The following IPCEF1 variants were observed in gnomAD, a reference collection of about 807,000 sequenced individuals.
The protein encoded by IPCEF1 is interactor protein for cytohesin exchange factors 1.
A neutral mutation model predicts 50.9 loss-of-function variants in IPCEF1; 31 were observed. The observed-to-expected ratio is 0.61, with a 90% CI of 0.46 to 0.82. IPCEF1 has a LOEUF of 0.82. Ranked by LOEUF, IPCEF1 falls within the 40% of genes least tolerant of loss-of-function variation. The pLI, the probability that IPCEF1 is intolerant of heterozygous loss-of-function variation, is 0.00. For missense variants in IPCEF1, 458 were observed against 514.0 expected (o/e 0.89, Z 1.05); for synonymous variants, 181 against 192.0 (o/e 0.94, Z 0.47).
intron 1 of IPCEF1, among the ~76,000 whole-genome samples, chr6:154,331,474 G>A (rs1199219940): frequency 8.1e-6 from 1 of 123,310 alleles, no homozygotes; most frequent in Non-Finnish European, 1.6e-5. Flanking sequence ...AGAAAGAAAG[G>A]GGAAGGAAGA....
chr6:154,191,139 GA>G (rs1484286144), intron 10 of IPCEF1, among the ~76,000 whole-genome samples: 2 of 152,178 alleles, frequency 1.3e-5, no homozygotes, highest in Non-Finnish European at 2.9e-5. Context: ...AAGCCAATCT[GA>G]AAAGGGTACA....
intron 10 of IPCEF1, among the ~76,000 whole-genome samples, chr6:154,198,663 C>CACACA (rs1491491022): frequency 1.3e-5 from 2 of 150,350 alleles, no homozygotes; most frequent in Non-Finnish European, 1.5e-5. Context: ...CACACACACA[C>CACACA]AACTTGTTCT....
At chr6:154,257,499 T>A (rs1477860241) in intron 3 of IPCEF1, among the ~76,000 whole-genome samples, 1 of 152,208 alleles carries the variant, frequency 6.6e-6, no homozygotes, top group East Asian at 1.9e-4. Context: ...TTTTATGTTT[T>A]TCTTTGTCTA....
chr6:154,180,613 G>A (rs1023184365), intron 10 of IPCEF1, among the ~76,000 whole-genome samples: 12 of 151,962 alleles, frequency 7.9e-5, no homozygotes, highest in African/African-American at 2.9e-4. Context: ...GAATTTGGCT[G>A]TCGAGAACAC....
At chr6:154,227,861 T>G (rs1197590707) in intron 5 of IPCEF1, among the ~76,000 whole-genome samples, 2 of 152,246 alleles carry the variant, frequency 1.3e-5, no homozygotes, top group African/African-American at 2.4e-5. Flanking sequence ...TGAAAACACC[T>G]TAGTGTTTCC....
At chr6:154,253,061 CTTTT>C (rs1418178095) in intron 3 of IPCEF1, among the ~76,000 whole-genome samples, 1 of 152,046 alleles carries the variant, frequency 6.6e-6, no homozygotes, top group Non-Finnish European at 1.5e-5. Context: ...TGCCTTTTTT[CTTTT>C]TGAGATTATT....
intron 7 of IPCEF1, among the ~76,000 whole-genome samples, chr6:154,216,311 TGG>T (rs896621005): frequency 4.6e-5 from 7 of 151,728 alleles, no homozygotes; most frequent in Admixed American, 4.6e-4. Flanking sequence ...AAGATGGGGG[TGG>T]GGGGTGGTTG....
intron 10 of IPCEF1, among the ~76,000 whole-genome samples, chr6:154,171,124 A>G (rs917805372): frequency 1.3e-5 from 2 of 152,150 alleles, no homozygotes; most frequent in African/African-American, 4.8e-5. Flanking sequence ...ATAAATACCC[A>G]AGAGAATTGA....
intron 7 of IPCEF1, among the ~76,000 whole-genome samples, chr6:154,220,693 C>T (rs1778795398): frequency 6.6e-6 from 1 of 152,132 alleles, no homozygotes; most frequent in African/African-American, 2.4e-5. Context: ...TGACTCTAAA[C>T]CATTAGGAAT....
chr6:154,340,400 A>C (rs970648958), intron 1 of IPCEF1, among the ~76,000 whole-genome samples: 1 of 151,662 alleles, frequency 6.6e-6, no homozygotes, highest in African/African-American at 2.4e-5. Flanking sequence ...ACAGGCGTGC[A>C]CCACCAATGC....
chr6:154,285,211 A>G (rs764380713), intron 2 of IPCEF1, among the ~76,000 whole-genome samples: 1 of 152,208 alleles, frequency 6.6e-6, no homozygotes, highest in African/African-American at 2.4e-5. Context: ...AGGTAATTTT[A>G]TTAGGAAAGA....
chr6:154,213,716 C>G (rs1282979290), intron 8 of IPCEF1, among the ~76,000 whole-genome samples: 6 of 152,174 alleles, frequency 3.9e-5, no homozygotes, highest in South Asian at 2.1e-4. Context: ...GAATTAGACT[C>G]CTGTAGCTTT....
In IPCEF1 at chr6:154,263,970, T is replaced by G. The variant is rs1260513503; in HGVS notation, c.36+1942A>C. Among the ~76,000 whole-genome samples the G allele has an allele frequency of 2.4e-5, 3 of 127,546 alleles. No individual in the cohort carries two copies. In the South Asian group the frequency reaches 1.0e-3, roughly 43 times the overall value. The allele number at this position is 127,546 out of a possible 152,430, so 83.7% of individuals were successfully genotyped here. A position where few individuals can be genotyped will look rare whatever the true frequency, so the allele number is the denominator to read the frequency against. On this transcript the variant is annotated intron_variant, in intron 3 of 11. Transcript: ENST00000367220. Reference sequence around the variant, plus strand: ...GCGGCCGGGCAGAGGCGCCCCTCACTTCCCGGATGGGGCGGCTGGCCGGGC... The same window carrying G: ...GCGGCCGGGCAGAGGCGCCCCTCACGTCCCGGATGGGGCGGCTGGCCGGGC...
chr6:154,245,997 C>A (rs1411146736), intron 5 of IPCEF1, among the ~76,000 whole-genome samples: 1 of 152,174 alleles, frequency 6.6e-6, no homozygotes, highest in African/African-American at 2.4e-5. Context: ...GTTGTCTAAG[C>A]ACGACTAGTT....
At position 154,156,046 on chromosome 6, in the gene IPCEF1, A is replaced by G. The variant is rs1429461238; in HGVS notation, c.*3782T>C. The G allele has an allele frequency of 6.6e-6, 1 of 152,264 alleles. No homozygotes were observed. Among genetic ancestry groups the G allele is most frequent in the African/African-American group, 2.4e-5 (1 of 41,468 alleles). 9.4% of individuals were successfully genotyped at this position (152,264 alleles called of 1,614,324 possible). On this transcript the variant is annotated 3_prime_UTR_variant, in exon 12 of 12. Transcript: ENST00000367220. ...CTAACATTTGACAGCACATGCCTCA[A>G]AAAGCAAACAAAATAAACACTCTCC...
chr6:154,164,294 T>G (rs926474574), intron 11 of IPCEF1, among the ~76,000 whole-genome samples: 2 of 152,244 alleles, frequency 1.3e-5, no homozygotes, highest in African/African-American at 4.8e-5. Flanking sequence ...GGCATTAAGC[T>G]GACACTTCTC....
chr6:154,277,366 T>C (rs1240376094), intron 2 of IPCEF1, among the ~76,000 whole-genome samples: 1 of 152,252 alleles, frequency 6.6e-6, no homozygotes, highest in East Asian at 1.9e-4. Context: ...TTGAGATATT[T>C]GTTGACACAA....
chr6:154,200,912 T>C (rs1275880505), intron 9 of IPCEF1, among the ~76,000 whole-genome samples: 1 of 152,062 alleles, frequency 6.6e-6, no homozygotes, highest in South Asian at 2.1e-4. Flanking sequence ...AAATCTCACC[T>C]CGAATTGTAA....
intron 7 of IPCEF1, among the ~76,000 whole-genome samples, chr6:154,214,737 A>G (rs916150332): frequency 1.3e-5 from 2 of 152,246 alleles, no homozygotes; most frequent in Non-Finnish European, 2.9e-5. Flanking sequence ...TTTTATGTCA[A>G]TCAGTAAAAA....
Sources: gnomAD v4.1 joint callset for allele counts (sites outside exome capture counted in the v4.1 genomes callset) on GRCh38, gnomAD v4.1.1 for gene constraint, MANE v1.5 for transcripts, NCBI Gene and HGNC (gene_info 2026-07-23, HGNC 2026-07-21) for gene names.